TTC39C: variants seen among roughly 807,000 people sequenced by gnomAD.
TTC39C encodes tetratricopeptide repeat protein 39C.
TTC39C carries 33 observed loss-of-function variants against 76.3 expected under a neutral mutation model. The ratio of observed to expected loss-of-function variants is 0.43; its 90% CI spans 0.33 to 0.58. The LOEUF is 0.58. TTC39C is among the 20% of genes least tolerant of loss of function. The probability of loss-of-function intolerance (pLI) is 0.04; values close to 1 mark genes in which losing one functional copy is unlikely to be tolerated. For synonymous variants in TTC39C, 254 were observed against 260.6 expected, an observed-to-expected ratio of 0.97 and a Z score of 0.24; for missense variants, 595 against 701.4, an observed-to-expected ratio of 0.85 and a Z score of 1.71.
intron 1 of TTC39C, among the ~76,000 whole-genome samples, chr18:24,005,362 C>T (rs956650984): frequency 1.3e-5 from 2 of 152,114 alleles, no homozygotes; most frequent in South Asian, 4.1e-4. Flanking sequence ...TTTTTGGACA[C>T]TCTTCAAAGA....
intron 1 of TTC39C, among the ~76,000 whole-genome samples, chr18:24,056,181 A>G (rs1178281446): frequency 6.6e-6 from 1 of 152,160 alleles, no homozygotes; most frequent in African/African-American, 2.4e-5. Context: ...GCTTCCATTA[A>G]GAGCAGCAGG....
At chr18:24,114,263 G>C (rs1452230563) in intron 6 of TTC39C, 3 of 307,796 alleles carry the variant, frequency 9.7e-6, no homozygotes, top group Non-Finnish European at 1.8e-5. Flanking sequence ...GGAGAAGGTG[G>C]GTGTGAGCTG....
At chr18:24,106,394 C>T (rs2053728085) in intron 6 of TTC39C, among the ~76,000 whole-genome samples, 1 of 149,708 alleles carries the variant, frequency 6.7e-6, no homozygotes, top group East Asian at 2.0e-4. Flanking sequence ...TGATGTAAAT[C>T]GCTCAGTGGA....
intron 1 of TTC39C, chr18:24,020,237 C>T (rs1219921844): frequency 9.5e-7 from 1 of 1,054,648 alleles, no homozygotes; most frequent in Admixed American, 5.5e-5. Context: ...TTTTTTCCCC[C>T]AACTATTACA....
intron 1 of TTC39C, among the ~76,000 whole-genome samples, chr18:24,024,549 A>G (rs959882781): frequency 3.9e-5 from 6 of 152,138 alleles, no homozygotes; most frequent in African/African-American, 1.4e-4. Context: ...AAGGCAAAAT[A>G]CTGGCTGTTG....
At chr18:24,061,846 G>T (rs963815814) in intron 1 of TTC39C, among the ~76,000 whole-genome samples, 32 of 152,344 alleles carry the variant, frequency 2.1e-4, no homozygotes, top group African/African-American at 7.7e-4. Flanking sequence ...GGATGTTGCA[G>T]TGAGCCAAGA....
chr18:24,065,142 T>C (rs1382547205), intron 2 of TTC39C, among the ~76,000 whole-genome samples: 1 of 151,994 alleles, frequency 6.6e-6, no homozygotes, highest in African/African-American at 2.4e-5. Context: ...TTCAGCAGCT[T>C]GAGAGGAGGG....
chr18:24,058,232 T>G (rs2084041811), intron 1 of TTC39C, among the ~76,000 whole-genome samples: 1 of 152,210 alleles, frequency 6.6e-6, no homozygotes, highest in South Asian at 2.1e-4. Context: ...ACCTGGGTGA[T>G]GAAATCATTT....
Position 24,101,049 on chromosome 18 carries a change from T to C in TTC39C, c.985-13505T>C, listed in dbSNP as rs553962894. ...TTATTTGACCAGGAAAATTCCTATT[T>C]ATACTGTAGCCTGTGAGACTGGAAG... On this transcript the variant is annotated intron_variant, in intron 6 of 13. Coordinates refer to ENST00000317571, the MANE Select transcript of TTC39C (RefSeq NM_001135993.2). Among the ~76,000 whole-genome samples, 28 of 152,284 alleles carry C rather than the reference T, an allele frequency of 1.8e-4. 1 individual carries two copies. The South Asian group carries it at 5.6e-3, about 30-fold the overall frequency.
rs746198668 is a variant in TTC39C at position 24,125,507 on chromosome 18, T to A, written c.1377T>A (p.Ala459=). ...ASIEVLYLWK[A]LPNCSFPNLQ... is the part of the protein sequence containing the mutation. Reference sequence around the variant, plus strand: ...TTGAAGTGTTGTACTTGTGGAAAGCTCTTCCAAACTGTTCCTTCCCCAACC... The same window carrying A: ...TTGAAGTGTTGTACTTGTGGAAAGCACTTCCAAACTGTTCCTTCCCCAACC... The change falls in exon 10 of 14, where the codon GCT becomes GCA. Residue 459 remains alanine, a synonymous_variant. Coordinates refer to ENST00000317571, the MANE Select transcript of TTC39C (RefSeq NM_001135993.2). The A allele has an allele frequency of 6.2e-7, 1 of 1,614,186 alleles. No individual in the cohort carries two copies. Among genetic ancestry groups the A allele is most frequent in the Non-Finnish European group, 8.5e-7 (1 of 1,180,042 alleles).
At chr18:24,027,935 G>T (rs2083618509) in intron 1 of TTC39C, among the ~76,000 whole-genome samples, 1 of 152,074 alleles carries the variant, frequency 6.6e-6, no homozygotes, top group African/African-American at 2.4e-5. Flanking sequence ...AAGGAATTGG[G>T]CTACTGACTT....
At position 24,080,672 on chromosome 18, in the gene TTC39C, A is replaced by G. The variant is rs201690284; in HGVS notation, c.548A>G (p.Tyr183Cys). 1 of 1,614,078 alleles carries G rather than the reference A, an allele frequency of 6.2e-7. No individual in the cohort carries two copies. The highest frequency in any genetic ancestry group is 8.5e-7 in the Non-Finnish European group (1 of 1,180,010). ...GACATCAATGCCCTTCAGGAGCTGT[A>G]TCAGAAGAAGCTAACTGAAGAGTCC... The part of the protein sequence containing the change: ...YLDINALQEL[Y>C]QKKLTEESLT... Residue 183 changes from tyrosine to cysteine, a missense_variant, in exon 5 of 14, where the codon TAT becomes TGT. Physicochemically the swap from Tyr to Cys is radical, Grantham distance 194. Coordinates refer to ENST00000317571, the MANE Select transcript of TTC39C (RefSeq NM_001135993.2).
intron 1 of TTC39C, among the ~76,000 whole-genome samples, chr18:24,061,791 C>A (rs900395471): frequency 1.3e-5 from 2 of 152,124 alleles, no homozygotes; most frequent in Admixed American, 1.3e-4. Context: ...GTAATCCCAG[C>A]TACTCGGGAG....
intron 5 of TTC39C, among the ~76,000 whole-genome samples, chr18:24,081,721 A>G (rs2084377117): frequency 6.6e-6 from 1 of 152,196 alleles, no homozygotes; most frequent in Admixed American, 6.5e-5. Flanking sequence ...CTCTTAATCA[A>G]CTGATAGCTA....
chr18:24,013,898 G>A (rs1299432275), upstream of TTC39C, among the ~76,000 whole-genome samples: 1 of 152,262 alleles, frequency 6.6e-6, no homozygotes, highest in African/African-American at 2.4e-5. Flanking sequence ...GAACGCCAAA[G>A]CTTTGCAAGA....
intron 7 of TTC39C, chr18:24,114,864 T>C: frequency 2.2e-6 from 1 of 451,868 alleles, no homozygotes; most frequent in Non-Finnish European, 4.0e-6. Flanking sequence ...TTTTTTAGGA[T>C]AATAGGTGAT....
At chr18:24,120,542 T>G (rs571622909) in intron 8 of TTC39C, among the ~76,000 whole-genome samples, 2 of 152,358 alleles carry the variant, frequency 1.3e-5, no homozygotes, top group South Asian at 4.1e-4. Flanking sequence ...AAAATTGTGA[T>G]AAAATATGTA....
chr18:24,006,951 G>A (rs772938070), intron 1 of TTC39C, among the ~76,000 whole-genome samples: 6 of 152,228 alleles, frequency 3.9e-5, no homozygotes, highest in South Asian at 4.2e-4. Context: ...TGACACAGTC[G>A]GAGCACCCAG....
rs1340985407 is a variant in TTC39C, at chr18:24,092,105, A to T, written c.984+9024A>T. Reference sequence around the variant, plus strand: ...GAGACTCAGTCTCAAAAAAAAAAAAAAAAAAAAAAAAAAAAAAAAATAATA... The same window carrying T: ...GAGACTCAGTCTCAAAAAAAAAAAATAAAAAAAAAAAAAAAAAAAATAATA... On this transcript the variant is annotated intron_variant, in intron 6 of 13. Transcript: ENST00000317571. Among the ~76,000 whole-genome samples, 485 of 130,580 alleles carry T rather than the reference A, an allele frequency of 3.7e-3. 11 individuals are homozygous for T. The highest frequency in any genetic ancestry group is 0.012 in the African/African-American group (450 of 38,864). The allele number at this position is 130,580 out of a possible 152,430, so 85.7% of individuals were successfully genotyped here.
Sources: gnomAD v4.1 joint callset for allele counts (sites outside exome capture counted in the v4.1 genomes callset) on GRCh38, gnomAD v4.1.1 for gene constraint, MANE v1.5 for transcripts, NCBI Gene and HGNC (gene_info 2026-07-23, HGNC 2026-07-21) for gene names.